The following OS9 variants were observed in gnomAD, a reference collection of about 807,000 sequenced individuals.
The protein encoded by OS9 is OS9 endoplasmic reticulum lectin, also known as protein OS-9.
A neutral mutation model predicts 84.7 loss-of-function variants in OS9; 58 were observed. The ratio of observed to expected loss-of-function variants is 0.68; its 90% CI spans 0.55 to 0.85. The LOEUF is 0.85. Among genes scored for constraint, OS9 ranks in the 40% least tolerant of loss-of-function variants. The pLI, the probability that OS9 is intolerant of heterozygous loss-of-function variation, is 0.00. For synonymous variants in OS9, 278 were observed against 320.8 expected, an observed-to-expected ratio of 0.87 and a Z score of 1.43; for missense variants, 760 against 850.9, an observed-to-expected ratio of 0.89 and a Z score of 1.33.
In OS9 at chr12:57,700,279, A is replaced by G. The variant is rs76031377; in HGVS notation, c.579+3906A>G. Among the ~76,000 whole-genome samples, 1,391 of 151,968 alleles carry G rather than the reference A, an allele frequency of 9.2e-3. 18 individuals carry two copies. Among genetic ancestry groups the G allele is most frequent in the African/African-American group, 0.03 (1,249 of 41,424 alleles). On this transcript the variant is annotated intron_variant, in intron 5 of 14. Transcript: ENST00000315970. ...TAGAACATGTTGAAGACTTGGGTGAATGTTAGTGGAGAGGAGGAGAGGGAA... is the reference window on the plus strand; with the variant it reads ...TAGAACATGTTGAAGACTTGGGTGAGTGTTAGTGGAGAGGAGGAGAGGGAA...
rs1954572278 is a variant in OS9, at chr12:57,718,347, C to T, written c.1336C>T (p.Pro446Ser). ...GAAGGAACTGGAAGGGATCCTGCTT[C>T]CGTCAGACCGAGACCGGCTCCGTTC... ...FEKELEGILL[P>S]SDRDRLRSEV... Residue 446 changes from proline to serine, a missense_variant, in exon 11 of 15, where the codon CCG (proline) becomes TCG (serine). Coordinates refer to ENST00000315970, the MANE Select transcript of OS9 (RefSeq NM_006812.4). 2 of 1,614,204 alleles carry T rather than the reference C, an allele frequency of 1.2e-6. No individual in the cohort carries two copies. The highest frequency in any genetic ancestry group is 1.7e-6 in the Non-Finnish European group (2 of 1,180,036).
In OS9 at chr12:57,715,931, C is replaced by T. The variant is rs1252359270; in HGVS notation, c.751C>T (p.Gln251Ter). Reference sequence around the variant, plus strand: ...GGCCATCCTCTGTCACCCTTCCCTACAGCCTGAGGAGTACATGGCCTACGT... The same window carrying T: ...GGCCATCCTCTGTCACCCTTCCCTATAGCCTGAGGAGTACATGGCCTACGT... ...PQAILCHPSL[Q>*]PEEYMAYVQR... The change falls in exon 6 of 15, where the codon CAG becomes TAG. Residue 251 changes from glutamine (Q) to a stop codon, truncating the protein, a stop_gained. Transcript: ENST00000315970. LOFTEE classifies it high-confidence loss of function. The T allele has an allele frequency of 1.2e-6, 2 of 1,613,036 alleles. No individual in the cohort carries two copies. The highest frequency in any genetic ancestry group is 2.7e-5 in the African/African-American group (2 of 74,914).
intron 2 of OS9, 161 bp from the exon 3 acceptor site, chr12:57,695,619 C>G (rs1264112638): frequency 2.8e-6 from 2 of 717,578 alleles, no homozygotes; most frequent in South Asian, 2.9e-5. Flanking sequence ...AGCAGCCCTC[C>G]CTCCTTACTG....
At chr12:57,695,706 G>A in intron 2 of OS9, 74 bp from the exon 3 acceptor site, 1 of 917,372 alleles carries the variant, frequency 1.1e-6, no homozygotes, top group Admixed American at 1.7e-5. Context: ...ATGTGTCTTG[G>A]AGCCAGGAGA....
At position 57,721,014 on chromosome 12, in the gene OS9, G is replaced by GCTCCACTCTGCTGTT; in HGVS notation, c.*105_*106insCTCCACTCTGCTGTT. On this transcript the variant is annotated 3_prime_UTR_variant, in exon 15 of 15. Transcript: ENST00000315970. ...GAACCCCTGAGGGCCAAACAGCAGAGTGGAGCTGAGCTGTGGACCTCTCGG... is the reference window on the plus strand; with the variant it reads ...GAACCCCTGAGGGCCAAACAGCAGAGCTCCACTCTGCTGTTTGGAGCTGAGCTGTGGACCTCTCGG... 2 of 1,345,342 alleles carry GCTCCACTCTGCTGTT rather than the reference G, an allele frequency of 1.5e-6. No individual in the cohort carries two copies. The highest frequency in any genetic ancestry group is 2.1e-6 in the Non-Finnish European group (2 of 954,688). The allele number at this position is 1,345,342 out of a possible 1,614,324, so 83.3% of individuals were successfully genotyped here.
intron 5 of OS9, among the ~76,000 whole-genome samples, chr12:57,715,452 G>GA (rs1488877355): frequency 3.3e-5 from 5 of 152,106 alleles, no homozygotes; most frequent in African/African-American, 1.2e-4. Flanking sequence ...ACAAGAATAT[G>GA]AAACATAAAT....
At position 57,704,620 on chromosome 12, in the gene OS9, G is replaced by C. The variant is rs74833858; in HGVS notation, c.579+8247G>C. Among the ~76,000 whole-genome samples, 66 of 152,184 alleles carry C rather than the reference G, an allele frequency of 4.3e-4. No individual in the cohort carries two copies. In the East Asian group the frequency reaches 0.012, roughly 28 times the overall value. On this transcript the variant is annotated intron_variant, in intron 5 of 14. Transcript: ENST00000315970. Reference sequence around the variant, plus strand: ...TAGCTTTGATATTATGGTAATGCCAGCCTCACAGAATAAGTTAGGAAAGCA... The same window carrying C: ...TAGCTTTGATATTATGGTAATGCCACCCTCACAGAATAAGTTAGGAAAGCA...
At chr12:57,719,387 A>T in intron 12 of OS9, 1 of 576,960 alleles carries the variant, frequency 1.7e-6, no homozygotes, top group South Asian at 2.1e-5. Context: ...TCTGGGAAGC[A>T]GCTTTTAGAG....
At chr12:57,707,034 A>G (rs1261241702) in intron 5 of OS9, among the ~76,000 whole-genome samples, 1 of 151,958 alleles carries the variant, frequency 6.6e-6, no homozygotes, top group Non-Finnish European at 1.5e-5. Context: ...GCCATTATTC[A>G]TTTGTCTAAA....
At chr12:57,718,039 A>G (rs1040389613) in intron 10 of OS9, 81 bp downstream of exon 10, 1 of 1,517,288 alleles carries the variant, frequency 6.6e-7, no homozygotes. Flanking sequence ...CTGGGACTCA[A>G]CTCCTGGGTC....
At chr12:57,694,632 A>G in intron 1 of OS9, 118 bp from the exon 2 acceptor site, 1 of 1,069,516 alleles carries the variant, frequency 9.4e-7, no homozygotes, top group Non-Finnish European at 1.4e-6. Flanking sequence ...TGGAGGGCTT[A>G]TGGCTTATTC....
At position 57,718,166 on chromosome 12, in the gene OS9, A is replaced by G; in HGVS notation, c.1155A>G (p.Gln385=). Residue 385 remains glutamine, a synonymous_variant, in exon 11 of 15, where the codon CAA becomes CAG. Transcript: ENST00000315970. ...GTKKGKPNIG[Q]EQPVDDAAEV... Reference sequence around the variant, plus strand: ...CCCAGGGGAAGCCAAATATAGGCCAAGAGCAGCCTGTGGATGATGCTGCAG... The same window carrying G: ...CCCAGGGGAAGCCAAATATAGGCCAGGAGCAGCCTGTGGATGATGCTGCAG... The G allele has an allele frequency of 1.2e-6, 2 of 1,614,106 alleles. No homozygotes were observed. The highest frequency in any genetic ancestry group is 1.7e-6 in the Non-Finnish European group (2 of 1,179,966).
chr12:57,708,705 AATGGTTCCCTGTTG>A (rs532576400), intron 5 of OS9, among the ~76,000 whole-genome samples: 44 of 152,266 alleles, frequency 2.9e-4, no homozygotes, highest in Admixed American at 1.3e-3. Context: ...TTTTTATCTA[AATGGTTCCCTGTTG>A]ATGGACATTT....
At chr12:57,695,009 A>T in intron 2 of OS9, 83 bp downstream of exon 2, 1 of 1,267,602 alleles carries the variant, frequency 7.9e-7, no homozygotes, top group Non-Finnish European at 1.1e-6. Flanking sequence ...ATGAGGCAGG[A>T]TCTAGGGGAC....
chr12:57,708,208 G>A lies in OS9; in HGVS notation c.580-7552G>A, dbSNP rs536398425. ...ACAGAGAAAAGTATTAACACATCTT[G>A]TCCCTCATTAGCCTCTTTCCATCCT... On this transcript the variant is annotated intron_variant, in intron 5 of 14. Transcript: ENST00000315970. Among the ~76,000 whole-genome samples the A allele has an allele frequency of 1.4e-4, 22 of 152,214 alleles. No individual in the cohort carries two copies. In the South Asian group the frequency reaches 4.6e-3, roughly 32 times the overall value.
At chr12:57,717,141 A>T (rs1430876705) in intron 9 of OS9, among the ~76,000 whole-genome samples, 1 of 152,186 alleles carries the variant, frequency 6.6e-6, no homozygotes, top group Non-Finnish European at 1.5e-5. Context: ...TAGCCCCAGG[A>T]TCTCCTCTGT....
At chr12:57,705,245 TG>T (rs546422013) in intron 5 of OS9, among the ~76,000 whole-genome samples, 203 of 152,330 alleles carry the variant, frequency 1.3e-3, no homozygotes, top group African/African-American at 4.7e-3. Context: ...AAACTCCTTT[TG>T]GGGATTTTGG....
At chr12:57,694,462 T>C in intron 1 of OS9, 139 bp downstream of exon 1, 2 of 945,930 alleles carry the variant, frequency 2.1e-6, no homozygotes, top group East Asian at 2.6e-5. Flanking sequence ...CGGTGACCCC[T>C]GGGGGTCGCA....
intron 5 of OS9, among the ~76,000 whole-genome samples, chr12:57,715,473 C>T (rs1288078932): frequency 6.6e-6 from 1 of 152,164 alleles, no homozygotes; most frequent in Non-Finnish European, 1.5e-5. Context: ...TGGTTACCTA[C>T]AGTTAAGCTG....
Sources: gnomAD v4.1 joint callset for allele counts (sites outside exome capture counted in the v4.1 genomes callset) on GRCh38, gnomAD v4.1.1 for gene constraint, MANE v1.5 for transcripts, NCBI Gene and HGNC (gene_info 2026-07-23, HGNC 2026-07-21) for gene names.